The following CAPN6 variants were observed in gnomAD, a reference collection of about 807,000 sequenced individuals.
CAPN6 encodes the protein calpain 6.
A neutral mutation model predicts 46.0 loss-of-function variants in CAPN6; 16 were observed. That is an observed-to-expected ratio of 0.35 (90% CI 0.24 to 0.53). The LOEUF (loss-of-function observed/expected upper bound fraction) is 0.53, where lower values mean the gene tolerates loss of function less well. Ranked by LOEUF, CAPN6 falls within the 20% of genes least tolerant of loss-of-function variation. The probability of loss-of-function intolerance (pLI) is 0.94; values close to 1 mark genes in which losing one functional copy is unlikely to be tolerated. For missense variants in CAPN6, 461 were observed against 498.0 expected, an observed-to-expected ratio of 0.93 and a Z score of 0.71; for synonymous variants, 206 against 172.8, an observed-to-expected ratio of 1.19 and a Z score of -1.51.
chrX:111,246,225 G>T lies in CAPN6; in HGVS notation c.*352C>A. ...TCCTTCCTCAACATGCCCTACAGGG[G>T]AGATATATCAAACAACTGAAAACAT... On this transcript the variant is annotated 3_prime_UTR_variant, in exon 13 of 13. Coordinates refer to ENST00000324068, the MANE Select transcript of CAPN6 (RefSeq NM_014289.4). 5.7e-6 allele frequency: 1 copy of T among 175,016 alleles called. No homozygotes were observed. Among genetic ancestry groups the T allele is most frequent in the Non-Finnish European group, 1.1e-5 (1 of 93,838 alleles). 14.4% of individuals were successfully genotyped at this position (175,016 alleles called of 1,213,427 possible). A position where few individuals can be genotyped will look rare whatever the true frequency, so the allele number is the denominator to read the frequency against.
chrX:111,259,404 G>A (rs1465675080), intron 2 of CAPN6, among the ~76,000 whole-genome samples: 3 of 112,273 alleles, frequency 2.7e-5, no homozygotes, highest in African/African-American at 6.5e-5. Flanking sequence ...CCTAGGTGTT[G>A]CATTCAGCTG....
At chrX:111,254,228 C>A in intron 3 of CAPN6, 44 bp downstream of exon 3, 1 of 1,115,343 alleles carries the variant, frequency 9.0e-7, no homozygotes, top group Non-Finnish European at 1.2e-6. Flanking sequence ...TTAAAGAAGA[C>A]AAGAAAGTGG....
rs371030956 is a variant in CAPN6 at position 111,250,912 on chromosome X, C to T, written c.1158+5G>A. On this transcript the variant is annotated splice_donor_5th_base_variant and intron_variant, in intron 8 of 12. Coordinates refer to ENST00000324068, the MANE Select transcript of CAPN6 (RefSeq NM_014289.4). ...TTTGAGGCAAATAAAGTAATTGACTCAAACCTGGGGATTCTGCAGGAAGGT... is the reference window on the plus strand; with the variant it reads ...TTTGAGGCAAATAAAGTAATTGACTTAAACCTGGGGATTCTGCAGGAAGGT... 5.0e-6 allele frequency: 6 copies of T among 1,203,648 alleles called. No homozygotes were observed. The African/African-American group carries it at 8.8e-5, about 18-fold the overall frequency.
chrX:111,248,499 G>A (rs902438960), intron 10 of CAPN6, 70 bp downstream of exon 10: 36 of 763,994 alleles, frequency 4.7e-5, no homozygotes, highest in Non-Finnish European at 5.7e-5. Flanking sequence ...GAGGGGAGAC[G>A]GGTGAAGGGG....
intron 1 of CAPN6, among the ~76,000 whole-genome samples, chrX:111,267,695 G>C (rs999382447): frequency 8.0e-5 from 9 of 111,970 alleles, no homozygotes; most frequent in Non-Finnish European, 1.5e-4. Context: ...GTGAGTGGGA[G>C]AGAACATGAG....
At chrX:111,253,757 A>T (rs1277499011) in intron 3 of CAPN6, among the ~76,000 whole-genome samples, 3 of 112,412 alleles carry the variant, frequency 2.7e-5, no homozygotes, top group Non-Finnish European at 5.6e-5. Context: ...TTTGAGGAAA[A>T]TGTTTTAACT....
intron 1 of CAPN6, among the ~76,000 whole-genome samples, chrX:111,266,843 C>G (rs977813955): frequency 8.9e-6 from 1 of 112,902 alleles, no homozygotes; most frequent in African/African-American, 3.2e-5. Context: ...CCAAAGCAAA[C>G]ATGATACTCA....
At chrX:111,251,316 A>G in intron 6 of CAPN6, 30 bp from the exon 7 acceptor site, 1 of 1,120,165 alleles carries the variant, frequency 8.9e-7, no homozygotes, top group South Asian at 1.9e-5. Context: ...AAAAAAAAAG[A>G]TAAATCATTA....
Position 111,246,427 on chromosome X carries a change from G to T in CAPN6, c.*150C>A. The stretch of plus-strand genomic sequence containing the variant: ...TGTAGCTACAGATGCTACTTGGATT[G>T]GGAGGTATGGGGAATTTATCAGAAG... On this transcript the variant is annotated 3_prime_UTR_variant, in exon 13 of 13. Coordinates refer to ENST00000324068, the MANE Select transcript of CAPN6 (RefSeq NM_014289.4). The T allele has an allele frequency of 2.0e-6, 1 of 493,017 alleles. No homozygotes were observed. 40.6% of individuals were successfully genotyped at this position (493,017 alleles called of 1,213,427 possible).
chrX:111,254,968 T>A (rs972094875), intron 2 of CAPN6, among the ~76,000 whole-genome samples: 1 of 111,712 alleles, frequency 9.0e-6, no homozygotes, highest in African/African-American at 3.3e-5. Flanking sequence ...TTTTTCTACA[T>A]TTGTGGATGA....
Position 111,247,945 on chromosome X carries a change from C to T in CAPN6, c.1532G>A (p.Arg511His), listed in dbSNP as rs776258790. 3.7e-5 allele frequency: 45 copies of T among 1,208,844 alleles called. No homozygotes were observed. Among genetic ancestry groups the T allele is most frequent in the Middle Eastern group, 2.3e-4 (1 of 4,366 alleles). ...CTGAGTAACTACTTTCGGGTAGCCACGAGCCAGGTTCCAGCAGGACATTTT... is the reference window on the plus strand; with the variant it reads ...CTGAGTAACTACTTTCGGGTAGCCATGAGCCAGGTTCCAGCAGGACATTTT... The part of the protein sequence containing the change: ...MPKMSCWNLA[R>H]GYPKVVTQIT... Residue 511 changes from arginine (R) to histidine (H), a missense_variant, in exon 11 of 13, where the codon CGT becomes CAT. Coordinates refer to ENST00000324068, the MANE Select transcript of CAPN6 (RefSeq NM_014289.4).
At position 111,247,806 on chromosome X, in the gene CAPN6, T is replaced by C. The variant is rs1329829586; in HGVS notation, c.1606+65A>G. On this transcript the variant is annotated intron_variant, in intron 11 of 12. Coordinates refer to ENST00000324068, the MANE Select transcript of CAPN6 (RefSeq NM_014289.4). ...TGGAGAAAATCATTTGTGATCATGTTTTCTAACTTATGTGCTATAAATGCA... is the reference window on the plus strand; with the variant it reads ...TGGAGAAAATCATTTGTGATCATGTCTTCTAACTTATGTGCTATAAATGCA... 2.6e-6 allele frequency: 3 copies of C among 1,151,457 alleles called. No homozygotes were observed. The Admixed American group carries it at 6.9e-5, about 27-fold the overall frequency. The allele number at this position is 1,151,457 out of a possible 1,213,427, so 94.9% of individuals were successfully genotyped here.
In CAPN6 at chrX:111,247,497, G is replaced by T; in HGVS notation, c.1614C>A (p.Asn538Lys). ...TTCCACATTTGATGACCAAATATGG[G>T]TTTACAGCTGGAACAAAGTGACATA... ...LEKKYANETV[N>K]PYLVIKCGKE... is the part of the protein sequence containing the mutation. Residue 538 changes from asparagine (N) to lysine (K), a missense_variant, in exon 12 of 13, where the codon AAC becomes AAA. Asn to Lys is a moderately conservative substitution (Grantham distance 94, BLOSUM62 0). Coordinates refer to ENST00000324068, the MANE Select transcript of CAPN6 (RefSeq NM_014289.4). 1 of 1,202,073 alleles carries T rather than the reference G, an allele frequency of 8.3e-7. No homozygotes were observed. The highest frequency in any genetic ancestry group is 1.1e-6 in the Non-Finnish European group (1 of 891,393).
At chrX:111,249,535 G>T (rs1464446239) in intron 8 of CAPN6, among the ~76,000 whole-genome samples, 1 of 110,873 alleles carries the variant, frequency 9.0e-6, no homozygotes, top group Non-Finnish European at 1.9e-5. Flanking sequence ...TTGGAGAATT[G>T]ATGTTTTGCT....
rs1250833774 is a variant in CAPN6 at position 111,245,148 on chromosome X, T to C, written c.*1429A>G. 1 of 112,730 alleles carries C rather than the reference T, an allele frequency of 8.9e-6. No homozygotes were observed. The highest frequency in any genetic ancestry group is 1.9e-5 in the Non-Finnish European group (1 of 53,363). 9.3% of individuals were successfully genotyped at this position (112,730 alleles called of 1,213,427 possible). On this transcript the variant is annotated 3_prime_UTR_variant, in exon 13 of 13. Transcript: ENST00000324068. ...TTGTGATTTGGTTTATGTAAGGCAG[T>C]GTAGTGAAGGCACTGCAGAAGTTAA...
chrX:111,268,161 C>T (rs1232017010), intron 1 of CAPN6, among the ~76,000 whole-genome samples: 1 of 111,199 alleles, frequency 9.0e-6, no homozygotes, highest in African/African-American at 3.3e-5. Flanking sequence ...AGCCCACTGC[C>T]TTATATAGGA....
At chrX:111,269,779 C>T (rs890175965) in intron 1 of CAPN6, among the ~76,000 whole-genome samples, 1 of 112,030 alleles carries the variant, frequency 8.9e-6, no homozygotes, top group African/African-American at 3.2e-5. Flanking sequence ...AACCTGTCAC[C>T]AGGGCAGGAA....
rs1338340379 is a variant in CAPN6, at chrX:111,245,631, A to G, written c.*946T>C. The G allele has an allele frequency of 8.9e-6, 1 of 112,612 alleles. No individual in the cohort carries two copies. 9.3% of individuals were successfully genotyped at this position (112,612 alleles called of 1,213,427 possible). On this transcript the variant is annotated 3_prime_UTR_variant, in exon 13 of 13. Coordinates refer to ENST00000324068, the MANE Select transcript of CAPN6 (RefSeq NM_014289.4). ...ACCTAGCAGCAGCGAGAGGTTTCAC[A>G]TTGCAGTCAGGGGCCCCAAACTGGC...
intron 8 of CAPN6, among the ~76,000 whole-genome samples, 197 bp downstream of exon 8, chrX:111,250,720 G>C (rs1466223096): frequency 9.0e-6 from 1 of 111,559 alleles, no homozygotes; most frequent in Non-Finnish European, 1.9e-5. Context: ...GCCAAAGTCT[G>C]TCTCTGCAAA....
Sources: gnomAD v4.1 joint callset for allele counts (sites outside exome capture counted in the v4.1 genomes callset) on GRCh38, gnomAD v4.1.1 for gene constraint, MANE v1.5 for transcripts, NCBI Gene and HGNC (gene_info 2026-07-23, HGNC 2026-07-21) for gene names.